Variants in AVL9 observed in about 807,000 individuals in gnomAD.
AVL9 encodes the protein AVL9 cell migration associated, also known as late secretory pathway protein AVL9 homolog.
In AVL9, 49 loss-of-function variants were observed where a neutral mutation model predicts 79.2. That is an observed-to-expected ratio of 0.62 (90% CI 0.49 to 0.79). The LOEUF (loss-of-function observed/expected upper bound fraction) is 0.79, where lower values mean the gene tolerates loss of function less well. AVL9 is among the 30% of genes least tolerant of loss of function. The pLI is 0.00. For synonymous variants in AVL9, 299 were observed against 280.6 expected (o/e 1.07, Z -0.65); for missense variants, 682 against 776.8 (o/e 0.88, Z 1.45).
chr7:32,516,105 C>CCTA (rs1787892319), intron 1 of AVL9, among the ~76,000 whole-genome samples: 1 of 152,192 alleles, frequency 6.6e-6, no homozygotes, highest in Admixed American at 6.5e-5. Context: ...GAGTCATGGG[C>CCTA]AGATTCTTCT....
chr7:32,560,307 C>T (rs1790277588), intron 10 of AVL9, among the ~76,000 whole-genome samples: 1 of 151,142 alleles, frequency 6.6e-6, no homozygotes. Context: ...GTTAAAAGCA[C>T]AATAAAGTGA....
intron 5 of AVL9, 62 bp downstream of exon 5, chr7:32,551,485 A>G: frequency 1.1e-6 from 1 of 884,634 alleles, no homozygotes; most frequent in Non-Finnish European, 1.8e-6. Context: ...TCAAGTAAAT[A>G]TTGTCAGTAA....
At chr7:32,505,531 AAAAAG>A (rs935615886) in intron 1 of AVL9, among the ~76,000 whole-genome samples, 12 of 152,212 alleles carry the variant, frequency 7.9e-5, no homozygotes, top group East Asian at 1.9e-4. Context: ...CTCAAAAAAA[AAAAAG>A]AAAGAAAGAA....
intron 1 of AVL9, among the ~76,000 whole-genome samples, chr7:32,502,653 A>G (rs561460423): frequency 4.6e-5 from 7 of 152,274 alleles, no homozygotes; most frequent in African/African-American, 1.4e-4. Flanking sequence ...ACCTTTTCTC[A>G]TAAGTATAGA....
intron 4 of AVL9, among the ~76,000 whole-genome samples, chr7:32,550,868 C>CA (rs1260493287): frequency 4.6e-5 from 7 of 152,078 alleles, no homozygotes; most frequent in African/African-American, 1.4e-4. Flanking sequence ...TACAGGCCAG[C>CA]AAAAAAGTGT....
chr7:32,511,986 T>C, intron 1 of AVL9, among the ~76,000 whole-genome samples: 1 of 152,204 alleles, frequency 6.6e-6, no homozygotes, highest in Non-Finnish European at 1.5e-5. Context: ...GGACATTCCA[T>C]CACAGAATGC....
At chr7:32,499,678 A>G (rs184659177) in intron 1 of AVL9, among the ~76,000 whole-genome samples, 1 of 152,236 alleles carries the variant, frequency 6.6e-6, no homozygotes, top group East Asian at 1.9e-4. Context: ...TGCTGCATCC[A>G]TCAACCAGTC....
intron 1 of AVL9, among the ~76,000 whole-genome samples, chr7:32,507,932 A>G (rs1380215639): frequency 6.6e-6 from 1 of 152,176 alleles, no homozygotes; most frequent in Non-Finnish European, 1.5e-5. Flanking sequence ...TGGGGTATGT[A>G]GTGTCATCTC....
At chr7:32,511,807 C>T (rs1224093352) in intron 1 of AVL9, among the ~76,000 whole-genome samples, 1 of 151,934 alleles carries the variant, frequency 6.6e-6, no homozygotes, top group South Asian at 2.1e-4. Flanking sequence ...GGCTGGAAGA[C>T]GAGAGCCAGA....
Position 32,587,908 on chromosome 7 carries a change from C to G in AVL9, c.*4001C>G, listed in dbSNP as rs527384431. On this transcript the variant is annotated 3_prime_UTR_variant, in exon 16 of 16. Coordinates refer to ENST00000318709, the MANE Select transcript of AVL9 (RefSeq NM_015060.3). ...CTTTTCATATGAATGACTTTGTACA[C>G]ATGACTTCCTGCTTTCATTATGAAG... 6.6e-5 allele frequency: 10 copies of G among 152,186 alleles called. No individual in the cohort carries two copies. The highest frequency in any genetic ancestry group is 1.3e-4 in the Non-Finnish European group (9 of 68,028). 9.4% of individuals were successfully genotyped at this position (152,186 alleles called of 1,614,324 possible). A position where few individuals can be genotyped will look rare whatever the true frequency, so the allele number is the denominator to read the frequency against.
At chr7:32,572,046 C>G (rs1403551788) in intron 11 of AVL9, among the ~76,000 whole-genome samples, 3 of 151,792 alleles carry the variant, frequency 2.0e-5, no homozygotes. Context: ...CCTGTAATCC[C>G]AGCTACGCGG....
chr7:32,562,580 A>C (rs1790374947), intron 10 of AVL9: 13 of 967,456 alleles, frequency 1.3e-5, no homozygotes, highest in Non-Finnish European at 1.6e-5. Flanking sequence ...ATCATTTCTT[A>C]ATGTCAGTAA....
intron 1 of AVL9, among the ~76,000 whole-genome samples, chr7:32,496,084 G>T (rs934722507): frequency 6.6e-6 from 1 of 152,188 alleles, no homozygotes; most frequent in African/African-American, 2.4e-5. Flanking sequence ...CTTTGGTGGA[G>T]TGGGAGGAAA....
intron 1 of AVL9, among the ~76,000 whole-genome samples, chr7:32,502,958 G>T (rs1338721351): frequency 6.6e-6 from 1 of 152,124 alleles, no homozygotes; most frequent in African/African-American, 2.4e-5. Context: ...TTCTTCCATT[G>T]ATTGGGAGAC....
rs761367321 is a variant in AVL9 at position 32,580,833 on chromosome 7, A to G, written c.1774A>G (p.Ile592Val). ...TCAGAATAGTGAACGTGGCAAAAAA[A>G]TTGGAAACGTCATGGTCACAACTAG... Reference protein sequence around the residue: ...SVQNSERGKKIGNVMVTTSRN... With the variant: ...SVQNSERGKKVGNVMVTTSRN... The change falls in exon 15 of 16, where the codon ATT becomes GTT. Residue 592 changes from isoleucine to valine, a missense_variant. Coordinates refer to ENST00000318709, the MANE Select transcript of AVL9 (RefSeq NM_015060.3). 23 of 1,613,942 alleles carry G rather than the reference A, an allele frequency of 1.4e-5. No individual in the cohort carries two copies. The highest frequency in any genetic ancestry group is 1.9e-5 in the Non-Finnish European group (22 of 1,179,930).
intron 11 of AVL9, 43 bp from the exon 12 acceptor site, chr7:32,573,156 G>A (rs1790934584): frequency 6.5e-7 from 1 of 1,529,360 alleles, no homozygotes; most frequent in Non-Finnish European, 9.0e-7. Context: ...ATGGATGTCT[G>A]CGTGAATGCC....
At chr7:32,536,043 T>C (rs1788890958) in intron 1 of AVL9, 1 of 152,244 alleles carries the variant, frequency 6.6e-6, no homozygotes, top group African/African-American at 2.4e-5. Flanking sequence ...ATTACAGAAC[T>C]GTGAGTTAAT....
intron 1 of AVL9, among the ~76,000 whole-genome samples, chr7:32,499,654 G>A (rs576516106): frequency 6.6e-6 from 1 of 152,074 alleles, no homozygotes; most frequent in East Asian, 1.9e-4. Flanking sequence ...AGGTATACAT[G>A]TGCCATGGTG....
At chr7:32,504,242 A>G (rs1787310978) in intron 1 of AVL9, among the ~76,000 whole-genome samples, 1 of 152,186 alleles carries the variant, frequency 6.6e-6, no homozygotes, top group Non-Finnish European at 1.5e-5. Flanking sequence ...TGATTTGATC[A>G]TTTGTTGGGA....
Sources: gnomAD v4.1 joint callset for allele counts (sites outside exome capture counted in the v4.1 genomes callset) on GRCh38, gnomAD v4.1.1 for gene constraint, MANE v1.5 for transcripts, NCBI Gene and HGNC (gene_info 2026-07-23, HGNC 2026-07-21) for gene names.